Variants in THSD7B observed in about 807,000 individuals in gnomAD.
The protein encoded by THSD7B is thrombospondin type 1 domain containing 7B.
In THSD7B, 138 loss-of-function variants were observed where a neutral mutation model predicts 213.6. The observed-to-expected ratio is 0.65, with a 90% CI of 0.56 to 0.74. THSD7B has a LOEUF of 0.74. Among genes scored for constraint, THSD7B ranks in the 30% least tolerant of loss-of-function variants. THSD7B has a pLI of 0.00. For synonymous variants in THSD7B, 742 were observed against 687.0 expected, an observed-to-expected ratio of 1.08 and a Z score of -1.25; for missense variants, 1,931 against 1,991.5, an observed-to-expected ratio of 0.97 and a Z score of 0.58.
At chr2:137,613,663 C>G (rs1682328127) in intron 17 of THSD7B, among the ~76,000 whole-genome samples, 1 of 152,138 alleles carries the variant, frequency 6.6e-6, no homozygotes, top group Non-Finnish European at 1.5e-5. Flanking sequence ...ACATCATTTT[C>G]CCACTTCTAT....
At chr2:137,384,558 C>T (rs527262859) in intron 12 of THSD7B, among the ~76,000 whole-genome samples, 2 of 151,994 alleles carry the variant, frequency 1.3e-5, no homozygotes, top group African/African-American at 4.8e-5. Flanking sequence ...CCATGACTTC[C>T]CCTGACTCAG....
chr2:137,129,504 A>G (rs1688688756), intron 5 of THSD7B, among the ~76,000 whole-genome samples: 1 of 151,734 alleles, frequency 6.6e-6, no homozygotes, highest in South Asian at 2.1e-4. Flanking sequence ...TGGTGGCGCC[A>G]TATCAGGTTA....
intron 15 of THSD7B, among the ~76,000 whole-genome samples, chr2:137,557,187 C>T (rs1457870469): frequency 2.6e-5 from 4 of 152,176 alleles, no homozygotes; most frequent in African/African-American, 9.7e-5. Flanking sequence ...CTGCACCAAG[C>T]AGACCTAATA....
At chr2:137,455,226 C>T (rs1687740632) in intron 15 of THSD7B, among the ~76,000 whole-genome samples, 1 of 152,146 alleles carries the variant, frequency 6.6e-6, no homozygotes, top group Non-Finnish European at 1.5e-5. Context: ...ACGTAGCCTT[C>T]TCTCTGGATG....
intron 15 of THSD7B, among the ~76,000 whole-genome samples, chr2:137,556,375 G>A (rs1340712013): frequency 6.6e-6 from 1 of 152,136 alleles, no homozygotes; most frequent in African/African-American, 2.4e-5. Context: ...AAAAGAGAGT[G>A]GGGGCCAATA....
chr2:137,381,008 G>T (rs1405910262), intron 12 of THSD7B, among the ~76,000 whole-genome samples: 1 of 152,220 alleles, frequency 6.6e-6, no homozygotes, highest in Non-Finnish European at 1.5e-5. Context: ...TGTCAAAACT[G>T]TCTACAATTC....
chr2:137,332,617 A>G (rs1000557952), intron 12 of THSD7B, among the ~76,000 whole-genome samples: 1 of 152,104 alleles, frequency 6.6e-6, no homozygotes, highest in Non-Finnish European at 1.5e-5. Flanking sequence ...CAGGGGTGGA[A>G]TGATATGTTT....
chr2:137,066,890 A>G (rs183364398), intron 3 of THSD7B, among the ~76,000 whole-genome samples: 1 of 151,980 alleles, frequency 6.6e-6, no homozygotes, highest in Non-Finnish European at 1.5e-5. Flanking sequence ...GTCTTTTTTA[A>G]TCCTCTTTGA....
chr2:137,377,297 T>C (rs1015658943), intron 12 of THSD7B, among the ~76,000 whole-genome samples: 4 of 152,218 alleles, frequency 2.6e-5, no homozygotes, highest in African/African-American at 9.6e-5. Context: ...GTCTATTTTG[T>C]CCTTAATGGA....
At chr2:137,341,936 GT>G (rs897606696) in intron 12 of THSD7B, among the ~76,000 whole-genome samples, 1 of 150,742 alleles carries the variant, frequency 6.6e-6, no homozygotes, top group African/African-American at 2.4e-5. Context: ...TTGTTTTTTT[GT>G]TTTTTTATCA....
At chr2:137,047,815 A>G (rs1189056487) in intron 2 of THSD7B, among the ~76,000 whole-genome samples, 1 of 152,234 alleles carries the variant, frequency 6.6e-6, no homozygotes, top group Non-Finnish European at 1.5e-5. Context: ...TGCATAGGGC[A>G]AAGGAGTACA....
intron 2 of THSD7B, among the ~76,000 whole-genome samples, chr2:136,916,405 C>T (rs909911836): frequency 6.6e-6 from 1 of 152,190 alleles, no homozygotes; most frequent in Non-Finnish European, 1.5e-5. Flanking sequence ...CCAGGCCAGG[C>T]AGACGGTTAG....
chr2:136,820,851 C>T (rs1425091836), intron 1 of THSD7B, among the ~76,000 whole-genome samples: 2 of 151,954 alleles, frequency 1.3e-5, no homozygotes, highest in Non-Finnish European at 2.9e-5. Context: ...CTAAATATAC[C>T]AGTATCTGTA....
rs144360064 is a variant in THSD7B at position 137,280,547 on chromosome 2, A to G, written c.2500+4521A>G. Among the ~76,000 whole-genome samples, 596 of 152,252 alleles carry G rather than the reference A, an allele frequency of 3.9e-3. 3 individuals are homozygous for G. Among genetic ancestry groups the G allele is most frequent in the Non-Finnish European group, 6.6e-3 (450 of 68,006 alleles). On this transcript the variant is annotated intron_variant, in intron 12 of 27. Transcript: ENST00000409968. Reference sequence around the variant, plus strand: ...TTTCAGTTAAAAAATAAGAAAAACAAGAAGATAGAACAGCACATAGAGTTA... The same window carrying G: ...TTTCAGTTAAAAAATAAGAAAAACAGGAAGATAGAACAGCACATAGAGTTA...
intron 1 of THSD7B, among the ~76,000 whole-genome samples, chr2:136,809,933 C>T (rs1330050716): frequency 6.6e-6 from 1 of 152,166 alleles, no homozygotes; most frequent in Non-Finnish European, 1.5e-5. Flanking sequence ...ATCTAGCCAC[C>T]TACCACTTGC....
chr2:137,355,251 C>T (rs540952702), intron 12 of THSD7B, among the ~76,000 whole-genome samples: 9 of 152,106 alleles, frequency 5.9e-5, no homozygotes, highest in African/African-American at 1.9e-4. Flanking sequence ...CAGTTGTCAC[C>T]AACTCTAACC....
chr2:137,023,237 G>A lies in THSD7B; in HGVS notation c.140-33183G>A, dbSNP rs963193192. Among the ~76,000 whole-genome samples the A allele has an allele frequency of 2.0e-5, 3 of 152,164 alleles. No homozygotes were observed. The East Asian group carries it at 5.8e-4, about 29-fold the overall frequency. On this transcript the variant is annotated intron_variant, in intron 2 of 27. Coordinates refer to ENST00000409968, the MANE Select transcript of THSD7B (RefSeq NM_001316349.2). ...AGACTTGGAGGGACAATGAGAAGGA[G>A]CAGAGTTGTTTTCTGAGTTCATCTG...
chr2:137,595,390 A>G (rs1681940516), intron 17 of THSD7B, among the ~76,000 whole-genome samples: 1 of 151,992 alleles, frequency 6.6e-6, no homozygotes, highest in Non-Finnish European at 1.5e-5. Flanking sequence ...AAGCCTTGAC[A>G]TGCTTTCTAT....
intron 2 of THSD7B, among the ~76,000 whole-genome samples, chr2:137,016,217 C>G (rs1329354709): frequency 6.6e-6 from 1 of 152,088 alleles, no homozygotes; most frequent in African/African-American, 2.4e-5. Context: ...TATGAGGATT[C>G]TAGCCTGGCC....
Sources: allele counts gnomAD v4.1 joint callset (sites outside exome capture counted in the v4.1 genomes callset), GRCh38; gene constraint gnomAD v4.1.1; transcripts MANE v1.5; gene names NCBI Gene and HGNC (gene_info 2026-07-23, HGNC 2026-07-21).